GRID2: variants seen among roughly 807,000 people sequenced by gnomAD.
The protein encoded by GRID2 is glutamate receptor ionotropic, delta-2.
In GRID2, 33 loss-of-function variants were observed where a neutral mutation model predicts 114.8. The observed-to-expected ratio is 0.29, with a 90% CI of 0.22 to 0.38. The LOEUF is 0.38. Ranked by LOEUF, GRID2 falls within the 10% of genes least tolerant of loss-of-function variation. The pLI, the probability that GRID2 is intolerant of heterozygous loss-of-function variation, is 1.00. For synonymous variants in GRID2, 505 were observed against 449.9 expected, an observed-to-expected ratio of 1.12 and a Z score of -1.55; for missense variants, 1,184 against 1,257.7, an observed-to-expected ratio of 0.94 and a Z score of 0.89.
At chr4:92,676,727 C>A (rs1733393563) in intron 2 of GRID2, among the ~76,000 whole-genome samples, 1 of 151,468 alleles carries the variant, frequency 6.6e-6, no homozygotes, top group African/African-American at 2.4e-5. Context: ...TAAAGCAATT[C>A]CTCAAAAAAA....
At chr4:93,292,075 T>A (rs1753817006) in intron 8 of GRID2, among the ~76,000 whole-genome samples, 1 of 152,224 alleles carries the variant, frequency 6.6e-6, no homozygotes, top group Non-Finnish European at 1.5e-5. Flanking sequence ...TTCCACAAGA[T>A]GCTGCTCAGA....
chr4:92,831,071 C>T (rs1742068193), intron 2 of GRID2, among the ~76,000 whole-genome samples: 1 of 152,108 alleles, frequency 6.6e-6, no homozygotes, highest in Admixed American at 6.6e-5. Context: ...ACAGAAGGGA[C>T]TAGGGGAAGG....
chr4:92,354,813 A>G (rs2110190172), intron 1 of GRID2, among the ~76,000 whole-genome samples: 1 of 152,118 alleles, frequency 6.6e-6, no homozygotes, highest in East Asian at 1.9e-4. Context: ...GCCTAACATA[A>G]TACAGACAAA....
Position 93,242,448 on chromosome 4 carries a change from C to A in GRID2, c.1245+3958C>A, listed in dbSNP as rs145110794. Among the ~76,000 whole-genome samples, 7 of 152,046 alleles carry A rather than the reference C, an allele frequency of 4.6e-5. No individual in the cohort carries two copies. In the South Asian group the frequency reaches 1.5e-3, roughly 32 times the overall value. On this transcript the variant is annotated intron_variant, in intron 8 of 15. Transcript: ENST00000282020. ...AATTAATGTAGGCTTGAAGCTTCAT[C>A]GGGTTATTTTTGTTTTGTATTGTGT...
chr4:92,534,744 CA>C (rs1267113938), intron 1 of GRID2, among the ~76,000 whole-genome samples: 1 of 152,018 alleles, frequency 6.6e-6, no homozygotes, highest in Non-Finnish European at 1.5e-5. Flanking sequence ...TGGTGAATGC[CA>C]AAACAAAGCA....
intron 1 of GRID2, among the ~76,000 whole-genome samples, chr4:93,797,842 G>GAAA (rs10536515): frequency 3.1e-5 from 4 of 128,082 alleles, no homozygotes; most frequent in Non-Finnish European, 6.5e-5. Context: ...TCCCCAGGAT[G>GAAA]AAAAAAAAAA....
chr4:93,177,660 T>C (rs558597388), intron 4 of GRID2, among the ~76,000 whole-genome samples: 45 of 152,250 alleles, frequency 3.0e-4, no homozygotes, highest in African/African-American at 1.0e-3. Context: ...AGGGAAAAAA[T>C]TTTAAAGCAT....
At chr4:93,124,044 C>T (rs1734039675) in intron 4 of GRID2, among the ~76,000 whole-genome samples, 1 of 141,980 alleles carries the variant, frequency 7.0e-6, no homozygotes, top group Non-Finnish European at 1.5e-5. Flanking sequence ...CAGCATGGCA[C>T]ATGTATACAT....
At chr4:93,468,021 T>A (rs1479692737) in intron 11 of GRID2, among the ~76,000 whole-genome samples, 2 of 152,210 alleles carry the variant, frequency 1.3e-5, no homozygotes, top group South Asian at 2.1e-4. Flanking sequence ...TATAGAATCA[T>A]ATTGCATCAT....
chr4:93,392,130 A>C (rs1764915178), intron 8 of GRID2, among the ~76,000 whole-genome samples: 1 of 152,156 alleles, frequency 6.6e-6, no homozygotes, highest in African/African-American at 2.4e-5. Context: ...TCTAAGTCTC[A>C]TGTGCTGCAA....
intron 8 of GRID2, among the ~76,000 whole-genome samples, chr4:93,307,393 G>A (rs1222775333): frequency 6.7e-6 from 1 of 149,976 alleles, no homozygotes; most frequent in African/African-American, 2.5e-5. Flanking sequence ...AAATTTTCTC[G>A]TCATTTTTTT....
chr4:92,608,796 A>G lies in GRID2; in HGVS notation c.244+18510A>G, dbSNP rs763100917. ...TATTTTTATTGGTCTGATTATTACA[A>G]GTGGCCATTGAGGTTTGTTTATTCT... On this transcript the variant is annotated intron_variant, in intron 2 of 15. Coordinates refer to ENST00000282020, the MANE Select transcript of GRID2 (RefSeq NM_001510.4). 2.2e-4 allele frequency among the ~76,000 whole-genome samples: 33 copies of G among 151,798 alleles called. 1 individual carries two copies. Among genetic ancestry groups the G allele is most frequent in the Non-Finnish European group, 5.9e-5 (4 of 67,852 alleles).
intron 1 of GRID2, among the ~76,000 whole-genome samples, chr4:93,784,788 T>C (rs1734558850): frequency 6.6e-6 from 1 of 151,944 alleles, no homozygotes; most frequent in South Asian, 2.1e-4. Context: ...TCCATAAAAG[T>C]GATACAATGT....
intron 1 of GRID2, among the ~76,000 whole-genome samples, chr4:92,484,968 G>T (rs1011656318): frequency 6.6e-6 from 1 of 151,670 alleles, no homozygotes; most frequent in Non-Finnish European, 1.5e-5. Context: ...TTCATGTAGC[G>T]ATCTAATCAT....
intron 2 of GRID2, among the ~76,000 whole-genome samples, chr4:92,824,904 C>T (rs1049544957): frequency 1.3e-5 from 2 of 151,746 alleles, no homozygotes; most frequent in African/African-American, 2.4e-5. Context: ...CACATTGATG[C>T]TATAGCAATA....
At chr4:93,769,532 T>C in intron 15 of GRID2, 82 bp downstream of exon 15, 2 of 1,364,532 alleles carry the variant, frequency 1.5e-6, no homozygotes, top group Non-Finnish European at 1.0e-6. Flanking sequence ...GGGAGGATAA[T>C]GGGTTGGGGG....
intron 8 of GRID2, among the ~76,000 whole-genome samples, chr4:93,284,643 G>A (rs1752963476): frequency 6.6e-6 from 1 of 151,540 alleles, no homozygotes; most frequent in Non-Finnish European, 1.5e-5. Context: ...ATGAAATCTT[G>A]GAGTCTATAA....
chr4:93,446,584 TTG>T (rs914450791), intron 10 of GRID2, among the ~76,000 whole-genome samples: 2 of 152,012 alleles, frequency 1.3e-5, no homozygotes, highest in Non-Finnish European at 2.9e-5. Flanking sequence ...TGTGCTTGAA[TTG>T]TGAGAGCTAA....
intron 14 of GRID2, among the ~76,000 whole-genome samples, chr4:93,732,018 A>G (rs1034425828): frequency 6.6e-6 from 1 of 152,192 alleles, no homozygotes; most frequent in Non-Finnish European, 1.5e-5. Flanking sequence ...AATATTTTTG[A>G]AACTAAGGAC....
Sources: allele counts gnomAD v4.1 joint callset (sites outside exome capture counted in the v4.1 genomes callset), GRCh38; gene constraint gnomAD v4.1.1; transcripts MANE v1.5; gene names NCBI Gene and HGNC (gene_info 2026-07-23, HGNC 2026-07-21).